Variants in TOGARAM2 observed in about 807,000 individuals in gnomAD.
TOGARAM2 encodes TOG array regulator of axonemal microtubules protein 2.
A neutral mutation model predicts 93.3 loss-of-function variants in TOGARAM2; 85 were observed. The observed-to-expected ratio is 0.91, with a 90% CI of 0.76 to 1.09. The LOEUF (loss-of-function observed/expected upper bound fraction) is 1.09. Among genes scored for constraint, TOGARAM2 ranks in the 50% least tolerant of loss-of-function variants. The probability of loss-of-function intolerance (pLI) is 0.00; values close to 1 mark genes in which losing one functional copy is unlikely to be tolerated. For synonymous variants in TOGARAM2, 593 were observed against 552.8 expected (o/e 1.07, Z -1.02); for missense variants, 1,277 against 1,334.5 (o/e 0.96, Z 0.67).
intron 1 of TOGARAM2, among the ~76,000 whole-genome samples, chr2:28,966,234 G>A (rs998574376): frequency 9.2e-5 from 14 of 151,640 alleles, no homozygotes; most frequent in African/African-American, 1.9e-4. Flanking sequence ...CAGGTGATCC[G>A]CCTGCCTTGG....
intron 18 of TOGARAM2, 112 bp from the exon 19 acceptor site, chr2:29,045,212 C>T: frequency 2.6e-6 from 2 of 770,248 alleles, no homozygotes; most frequent in Non-Finnish European, 4.3e-6. Flanking sequence ...AATTCAGCTC[C>T]CCCAAAGGCC....
At chr2:29,036,441 G>A in intron 17 of TOGARAM2, 100 bp from the exon 18 acceptor site, 1 of 1,037,212 alleles carries the variant, frequency 9.6e-7, no homozygotes, top group Non-Finnish European at 1.5e-6. Flanking sequence ...TCTCTGCTGA[G>A]GTCGCTCAGT....
intron 3 of TOGARAM2, 80 bp from the exon 4 acceptor site, chr2:28,999,101 G>A: frequency 1.4e-6 from 2 of 1,435,878 alleles, no homozygotes; most frequent in South Asian, 1.4e-5. Context: ...TTAGAAGGAA[G>A]CAATGTCAAG....
intron 1 of TOGARAM2, among the ~76,000 whole-genome samples, chr2:28,963,992 GC>G (rs1671832855): frequency 6.6e-6 from 1 of 152,140 alleles, no homozygotes; most frequent in Non-Finnish European, 1.5e-5. Context: ...GGGTGACAGA[GC>G]AAAAACTCCA....
At chr2:28,965,579 C>T (rs567600761) in intron 1 of TOGARAM2, among the ~76,000 whole-genome samples, 1 of 152,132 alleles carries the variant, frequency 6.6e-6, no homozygotes, top group African/African-American at 2.4e-5. Context: ...CCCTGGGAAC[C>T]CTTTAGCTCA....
intron 1 of TOGARAM2, among the ~76,000 whole-genome samples, chr2:28,992,568 G>T (rs978407749): frequency 2.0e-5 from 3 of 152,148 alleles, no homozygotes; most frequent in Non-Finnish European, 2.9e-5. Flanking sequence ...AGTAGGGGTG[G>T]CTGTTGAAAC....
intron 18 of TOGARAM2, among the ~76,000 whole-genome samples, chr2:29,036,975 T>C (rs1572772220): frequency 6.6e-6 from 1 of 151,030 alleles, no homozygotes; most frequent in Non-Finnish European, 1.5e-5. Flanking sequence ...GAAGTGGAGG[T>C]GATGTGGAGA....
intron 1 of TOGARAM2, among the ~76,000 whole-genome samples, chr2:28,988,741 C>G (rs746681456): frequency 1.3e-5 from 2 of 152,204 alleles, no homozygotes; most frequent in Non-Finnish European, 2.9e-5. Context: ...GTTGTTTGGA[C>G]TCACCATCTC....
chr2:28,995,715 AC>A (rs921172983), intron 2 of TOGARAM2, among the ~76,000 whole-genome samples: 40 of 152,234 alleles, frequency 2.6e-4, no homozygotes, highest in Non-Finnish European at 5.3e-4. Flanking sequence ...TGATGTGGGA[AC>A]TGAGACTCAG....
chr2:29,020,698 G>A (rs1664886461), intron 10 of TOGARAM2, among the ~76,000 whole-genome samples: 1 of 152,196 alleles, frequency 6.6e-6, no homozygotes, highest in Admixed American at 6.5e-5. Context: ...TGGCTGTATT[G>A]CTCGCTCCAG....
At chr2:29,016,813 A>G (rs11684071) in intron 8 of TOGARAM2, among the ~76,000 whole-genome samples, 34,133 of 152,132 alleles carry the variant, frequency 0.22, 3,977 homozygotes, top group Middle Eastern at 0.29. Context: ...CCTCTGCTTC[A>G]AACACTTCTC....
At chr2:29,019,086 G>A (rs1459662725) in intron 10 of TOGARAM2, among the ~76,000 whole-genome samples, 2 of 151,844 alleles carry the variant, frequency 1.3e-5, no homozygotes, top group Non-Finnish European at 2.9e-5. Flanking sequence ...GAAAGGACAG[G>A]CTATTGAGAG....
At chr2:29,031,011 A>C (rs1308289172) in intron 14 of TOGARAM2, among the ~76,000 whole-genome samples, 1 of 152,248 alleles carries the variant, frequency 6.6e-6, no homozygotes, top group Non-Finnish European at 1.5e-5. Flanking sequence ...CCCAAGAGGC[A>C]CAATGGGGAC....
chr2:29,047,527 A>T (rs990914909), intron 19 of TOGARAM2: 2 of 152,258 alleles, frequency 1.3e-5, no homozygotes, highest in Non-Finnish European at 1.5e-5. Context: ...TAATAGGAGT[A>T]AATCTTCTGC....
chr2:29,029,377 G>A (rs1224076798), intron 14 of TOGARAM2, among the ~76,000 whole-genome samples: 1 of 152,142 alleles, frequency 6.6e-6, no homozygotes, highest in Admixed American at 6.5e-5. Context: ...ATTACTCTAA[G>A]TGAAATAACT....
Position 29,036,521 on chromosome 2 carries a change from G to GGTTT in TOGARAM2, c.2419-19_2419-16dup. On this transcript the variant is annotated intron_variant, in intron 17 of 19. Coordinates refer to ENST00000379558, the MANE Select transcript of TOGARAM2 (RefSeq NM_199280.4). ...CCAGCCTGGGTTCCCATGGGCTCTTGGTTTCTGTTTCTTCAATAGGTCTTT... is the reference window on the plus strand; with the variant it reads ...CCAGCCTGGGTTCCCATGGGCTCTTGGTTTGTTTCTGTTTCTTCAATAGGTCTTT... 6.2e-7 allele frequency: 1 copy of GGTTT among 1,613,424 alleles called. No homozygotes were observed. Among genetic ancestry groups the GGTTT allele is most frequent in the Non-Finnish European group, 8.5e-7 (1 of 1,179,584 alleles).
chr2:28,993,822 G>T (rs1672858384), intron 1 of TOGARAM2, among the ~76,000 whole-genome samples: 2 of 152,238 alleles, frequency 1.3e-5, no homozygotes, highest in Non-Finnish European at 2.9e-5. Flanking sequence ...CCAGACAGAA[G>T]GCAAGTTTCT....
chr2:28,959,898 A>G (rs1442163411), intron 1 of TOGARAM2, among the ~76,000 whole-genome samples: 1 of 152,358 alleles, frequency 6.6e-6, no homozygotes, highest in East Asian at 1.9e-4. Flanking sequence ...CAAAGAGTGC[A>G]CTGACATAAA....
chr2:29,037,254 G>A (rs1225917086), intron 18 of TOGARAM2, among the ~76,000 whole-genome samples: 4 of 152,196 alleles, frequency 2.6e-5, no homozygotes, highest in African/African-American at 7.2e-5. Context: ...AAATGTTGGT[G>A]CATCTGCTTG....
Sources: gnomAD v4.1 joint callset for allele counts (sites outside exome capture counted in the v4.1 genomes callset) on GRCh38, gnomAD v4.1.1 for gene constraint, MANE v1.5 for transcripts, NCBI Gene and HGNC (gene_info 2026-07-23, HGNC 2026-07-21) for gene names.